Variants in OTOF observed in about 807,000 individuals in gnomAD.
The protein encoded by OTOF is fer-1-like family member 2.
In OTOF, 218 loss-of-function variants were observed where a neutral mutation model predicts 236.8. The ratio of observed to expected loss-of-function variants is 0.92; its 90% CI spans 0.82 to 1.03. The LOEUF (loss-of-function observed/expected upper bound fraction) is 1.03, where lower values mean the gene tolerates loss of function less well. OTOF is among the 50% of genes least tolerant of loss of function. OTOF has a pLI of 0.00. For missense variants in OTOF, 2,590 were observed against 2,694.4 expected (o/e 0.96, Z 0.86); for synonymous variants, 1,041 against 1,072.5 (o/e 0.97, Z 0.57).
chr2:26,550,587 T>C (rs1667435665), intron 1 of OTOF, among the ~76,000 whole-genome samples: 1 of 152,152 alleles, frequency 6.6e-6, no homozygotes, highest in Non-Finnish European at 1.5e-5. Flanking sequence ...AACTGGCACC[T>C]GTCTAGATGA....
intron 3 of OTOF, among the ~76,000 whole-genome samples, chr2:26,527,168 C>T: frequency 6.6e-6 from 1 of 152,222 alleles, no homozygotes; most frequent in East Asian, 1.9e-4. Flanking sequence ...AGGTAGGCAC[C>T]CCGCCCTCTG....
chr2:26,499,609 G>T (rs1666070668), intron 8 of OTOF, among the ~76,000 whole-genome samples: 1 of 152,142 alleles, frequency 6.6e-6, no homozygotes, highest in African/African-American at 2.4e-5. Context: ...CTGGGTTCAA[G>T]TGATTCTCCT....
intron 1 of OTOF, among the ~76,000 whole-genome samples, chr2:26,539,534 G>A (rs968737421): frequency 1.4e-4 from 22 of 152,112 alleles, no homozygotes; most frequent in Non-Finnish European, 1.6e-4. Context: ...TCGGGAGTTC[G>A]AGACCTGCTT....
intron 5 of OTOF, among the ~76,000 whole-genome samples, chr2:26,511,656 G>A (rs1373495343): frequency 6.6e-6 from 1 of 152,180 alleles, no homozygotes; most frequent in African/African-American, 2.4e-5. Flanking sequence ...ATTCAAAGGT[G>A]TTAACATCAG....
chr2:26,519,169 CTG>C, intron 3 of OTOF, 60 bp from the exon 4 acceptor site: 1 of 1,136,796 alleles, frequency 8.8e-7, no homozygotes, highest in Non-Finnish European at 1.3e-6. Context: ...AGGAGCAAGA[CTG>C]ACATCCCAAG....
At chr2:26,522,559 A>G (rs1666703119) in intron 3 of OTOF, among the ~76,000 whole-genome samples, 1 of 152,006 alleles carries the variant, frequency 6.6e-6, no homozygotes, top group Non-Finnish European at 1.5e-5. Context: ...GTAGGTTCTT[A>G]CTCCTCTGCA....
In OTOF at chr2:26,460,844, G is replaced by A; in HGVS notation, c.5712+8C>T. On this transcript the variant is annotated splice_region_variant and intron_variant, in intron 44 of 46. Coordinates refer to ENST00000272371, the MANE Select transcript of OTOF (RefSeq NM_194248.3). This position sits in a 1 kb window ranked among gnomAD's most constrained non-coding sequence, Gnocchi z 5.3. ...CTGCCTACTGCCCGAGCAGGAAGGG[G>A]TGCGCACCGTGAGCTCAAACTCATC... 1.2e-6 allele frequency: 2 copies of A among 1,614,086 alleles called. No individual in the cohort carries two copies. The highest frequency in any genetic ancestry group is 1.7e-6 in the Non-Finnish European group (2 of 1,179,980).
At chr2:26,549,672 G>C (rs74925813) in intron 1 of OTOF, among the ~76,000 whole-genome samples, 1,654 of 152,284 alleles carry the variant, frequency 0.011, 31 homozygotes, top group African/African-American at 0.038. Flanking sequence ...TTACACTATG[G>C]AAACTTAGGC....
chr2:26,484,409 C>G (rs140931858), intron 12 of OTOF, 65 bp downstream of exon 12: 2 of 1,583,294 alleles, frequency 1.3e-6, no homozygotes, highest in African/African-American at 2.7e-5. Flanking sequence ...AAACCCTCAC[C>G]GGGGGCTCCC....
At chr2:26,537,852 G>C in intron 1 of OTOF, 78 bp from the exon 2 acceptor site, 1 of 1,072,286 alleles carries the variant, frequency 9.3e-7, no homozygotes, top group East Asian at 2.6e-5. Flanking sequence ...CCTCATCCTG[G>C]GAGTCGTCCT....
At chr2:26,507,728 G>A (rs1051967878) in intron 5 of OTOF, among the ~76,000 whole-genome samples, 6 of 152,202 alleles carry the variant, frequency 3.9e-5, no homozygotes, top group African/African-American at 1.4e-4. Context: ...TGAGAGCCAA[G>A]GGGAGGCCAG....
intron 9 of OTOF, among the ~76,000 whole-genome samples, chr2:26,491,768 A>T (rs1198082628): frequency 1.3e-5 from 2 of 152,238 alleles, no homozygotes; most frequent in African/African-American, 4.8e-5. Context: ...GCTTCCCTGC[A>T]CACAGGCAGG....
chr2:26,512,962 T>C (rs1320227246), intron 5 of OTOF, among the ~76,000 whole-genome samples: 1 of 152,150 alleles, frequency 6.6e-6, no homozygotes, highest in Non-Finnish European at 1.5e-5. Flanking sequence ...GAGCCTGTGC[T>C]CTGTCACACA....
At chr2:26,533,200 T>C (rs909710638) in intron 2 of OTOF, among the ~76,000 whole-genome samples, 1 of 152,198 alleles carries the variant, frequency 6.6e-6, no homozygotes, top group Non-Finnish European at 1.5e-5. Flanking sequence ...TAATGCCTGA[T>C]GTTCTGAGGA....
chr2:26,517,209 T>A (rs11126535), intron 4 of OTOF, among the ~76,000 whole-genome samples: 1 of 151,890 alleles, frequency 6.6e-6, no homozygotes, highest in Non-Finnish European at 1.5e-5. Flanking sequence ...AGAGTCATGA[T>A]TGGGCTTCCT....
chr2:26,510,745 C>T, intron 5 of OTOF: 3 of 1,289,202 alleles, frequency 2.3e-6, no homozygotes, highest in East Asian at 5.6e-5. Context: ...TTCTCTCTGC[C>T]TTTGCTGAGT....
intron 39 of OTOF, 22 bp from the exon 40 acceptor site, chr2:26,464,128 C>A (rs751906591): frequency 6.2e-7 from 1 of 1,612,786 alleles, no homozygotes; most frequent in Non-Finnish European, 8.5e-7. Flanking sequence ...GGCGGCTCAG[C>A]TGCACACATG....
Position 26,476,174 on chromosome 2 carries a change from C to T in OTOF, c.2820G>A (p.Gln940=). The part of the protein sequence containing the change: ...PCGFQEVKAA[Q]GLGLHAFPPV... ...GTGGGAAGGCATGCAGGCCCAGGCC[C>T]TGGGCTGCCTTGACCTCCTGGAAGC... Residue 940 remains glutamine (Q), a synonymous_variant, in exon 23 of 47, where the codon CAG becomes CAA. Coordinates refer to ENST00000272371, the MANE Select transcript of OTOF (RefSeq NM_194248.3). 6.2e-7 allele frequency: 1 copy of T among 1,611,140 alleles called. No individual in the cohort carries two copies. Among genetic ancestry groups the T allele is most frequent in the East Asian group, 2.2e-5 (1 of 44,854 alleles).
chr2:26,511,671 G>C (rs1666393820), intron 5 of OTOF, among the ~76,000 whole-genome samples: 1 of 152,186 alleles, frequency 6.6e-6, no homozygotes, highest in South Asian at 2.1e-4. Flanking sequence ...CATCAGCCAG[G>C]CCTCGGCTGC....
Sources: gnomAD v4.1 joint callset for allele counts (sites outside exome capture counted in the v4.1 genomes callset) on GRCh38, gnomAD v4.1.1 for gene constraint, Gnocchi (gnomAD v3.1) non-coding constraint, MANE v1.5 for transcripts, NCBI Gene and HGNC (gene_info 2026-07-23, HGNC 2026-07-21) for gene names.